Variants in RXRB observed in about 807,000 individuals in gnomAD.
RXRB encodes retinoid X receptor beta.
A neutral mutation model predicts 52.5 loss-of-function variants in RXRB; 18 were observed. The observed-to-expected ratio is 0.34, with a 90% CI of 0.24 to 0.51. The LOEUF is 0.51. RXRB is among the 20% of genes least tolerant of loss of function. The pLI is 0.97. For missense variants in RXRB, 455 were observed against 698.2 expected, an observed-to-expected ratio of 0.65 and a Z score of 3.92; for synonymous variants, 233 against 267.1, an observed-to-expected ratio of 0.87 and a Z score of 1.25.
chr6:33,200,124 G>T lies in RXRB; in HGVS notation c.235+118C>A. The T allele has an allele frequency of 7.3e-7, 1 of 1,366,894 alleles. No individual in the cohort carries two copies. Among genetic ancestry groups the T allele is most frequent in the Non-Finnish European group, 1.0e-6 (1 of 970,990 alleles). 84.7% of individuals were successfully genotyped at this position (1,366,894 alleles called of 1,614,324 possible). A position where few individuals can be genotyped will look rare whatever the true frequency, so the allele number is the denominator to read the frequency against. Reference sequence around the variant, plus strand: ...CTAAGGCCCTCGGGAGGGAGGGGACGCGTGTTTACAAACAAGGGGGCGGGA... The same window carrying T: ...CTAAGGCCCTCGGGAGGGAGGGGACTCGTGTTTACAAACAAGGGGGCGGGA... On this transcript the variant is annotated intron_variant, in intron 1 of 9. Coordinates refer to ENST00000374680, the MANE Select transcript of RXRB (RefSeq NM_021976.5). This position sits in a 1 kb window ranked among gnomAD's most constrained non-coding sequence, Gnocchi z 6.3.
chr6:33,200,760 A>G, upstream of RXRB: 2 of 1,541,052 alleles, frequency 1.3e-6, no homozygotes, highest in South Asian at 1.2e-5. This position sits in a 1 kb window ranked among gnomAD's most constrained non-coding sequence, Gnocchi z 6.3. Context: ...CCCTCCCCTC[A>G]AATCACCTCC....
rs562272151 is a variant in RXRB, at chr6:33,199,240, A to C, written c.412T>G (p.Ser138Ala). ...PLGSPFPVIS[S>A]SMGSPGLPPP... The stretch of plus-strand genomic sequence containing the variant: ...GGCAGACCAGGGGACCCCATGGAAG[A>C]ACTGATGACTGGAAAGGGAGAGCCC... Residue 138 changes from serine to alanine, a missense_variant, in exon 2 of 10, where the codon TCT becomes GCT. By Grantham distance (99) the Ser-to-Ala change is moderately conservative (BLOSUM62 1). Transcript: ENST00000374680. 6 of 1,192,596 alleles carry C rather than the reference A, an allele frequency of 5.0e-6. No individual in the cohort carries two copies. The South Asian group carries it at 2.4e-4, about 49-fold the overall frequency. The allele number at this position is 1,192,596 out of a possible 1,614,324, so 73.9% of individuals were successfully genotyped here. A position where few individuals can be genotyped will look rare whatever the true frequency, so the allele number is the denominator to read the frequency against.
chr6:33,200,772 C>A, upstream of RXRB: 3 of 1,537,200 alleles, frequency 2.0e-6, no homozygotes, highest in South Asian at 2.4e-5. This position sits in a 1 kb window ranked among gnomAD's most constrained non-coding sequence, Gnocchi z 6.3. Context: ...ATCACCTCCA[C>A]ACTCGCGCAT....
In RXRB at chr6:33,196,910, A is replaced by C. The variant is rs1476493949; in HGVS notation, c.821-304T>G. 6.6e-6 allele frequency among the ~76,000 whole-genome samples: 1 copy of C among 152,232 alleles called. No homozygotes were observed. The highest frequency in any genetic ancestry group is 1.5e-5 in the Non-Finnish European group (1 of 68,052). ...ACCTGAGAAAGCTGATTGAAAAAAA[A>C]AATTTTTTTAAATAAAATATGCCAA... On this transcript the variant is annotated intron_variant, in intron 4 of 9. Transcript: ENST00000374680. This position sits in a 1 kb window ranked among gnomAD's most constrained non-coding sequence, Gnocchi z 4.0.
At chr6:33,198,177 C>T in intron 3 of RXRB, 131 bp downstream of exon 3, 1 of 1,346,450 alleles carries the variant, frequency 7.4e-7, no homozygotes, top group Non-Finnish European at 1.1e-6. Flanking sequence ...ATCTCAGCTT[C>T]AGCTTCTTTA....
rs1773945234 is a variant in RXRB at position 33,196,907 on chromosome 6, A to G, written c.821-301T>C. Among the ~76,000 whole-genome samples, 1 of 152,226 alleles carries G rather than the reference A, an allele frequency of 6.6e-6. No individual in the cohort carries two copies. ...TCAACCTGAGAAAGCTGATTGAAAA[A>G]AAAAATTTTTTTAAATAAAATATGC... is the stretch of plus-strand genomic sequence containing the variant. On this transcript the variant is annotated intron_variant, in intron 4 of 9. Coordinates refer to ENST00000374680, the MANE Select transcript of RXRB (RefSeq NM_021976.5). This position sits in a 1 kb window ranked among gnomAD's most constrained non-coding sequence, Gnocchi z 4.0.
Position 33,197,717 on chromosome 6 carries a change from A to G in RXRB, c.820+45T>C. 1 of 1,586,654 alleles carries G rather than the reference A, an allele frequency of 6.3e-7. No individual in the cohort carries two copies. Among genetic ancestry groups the G allele is most frequent in the Non-Finnish European group, 8.6e-7 (1 of 1,157,980 alleles). On this transcript the variant is annotated intron_variant, in intron 4 of 9. Transcript: ENST00000374680. This position sits in a 1 kb window ranked among gnomAD's most constrained non-coding sequence, Gnocchi z 4.4. Reference sequence around the variant, plus strand: ...GTACACAGTCTGAGTGGGATAAGGGAGAAGGGCATGTGGTCTAAGACGCCT... The same window carrying G: ...GTACACAGTCTGAGTGGGATAAGGGGGAAGGGCATGTGGTCTAAGACGCCT...
chr6:33,198,670 C>T (rs1774116955), intron 2 of RXRB: 2 of 695,162 alleles, frequency 2.9e-6, no homozygotes, highest in Non-Finnish European at 5.2e-6. Flanking sequence ...AATTGTGCAA[C>T]ACAGTGACCC....
In RXRB at chr6:33,194,691, T is replaced by C; in HGVS notation, c.1593A>G (p.Gln531=). The change falls in exon 10 of 10, where the codon CAA becomes CAG. Residue 531 remains glutamine, a synonymous_variant. Transcript: ENST00000374680. The surrounding 1 kb of genome is among the most constrained non-coding windows in gnomAD (Gnocchi z 4.1). ...ACGTCTGGGTCTGAGCTCAGGCCAG[T>C]TGATGGGGAGCCTCAAGCATCTCCA... ...FLMEMLEAPH[Q]LA 1 of 1,612,934 alleles carries C rather than the reference T, an allele frequency of 6.2e-7. No individual in the cohort carries two copies. The highest frequency in any genetic ancestry group is 1.7e-5 in the Admixed American group (1 of 60,018).
At chr6:33,199,640 A>C in intron 1 of RXRB, 1 of 503,288 alleles carries the variant, frequency 2.0e-6, no homozygotes, top group Non-Finnish European at 3.6e-6. Context: ...ACTTATTAAC[A>C]TTTGTGTCAC....
chr6:33,200,768 T>G (rs1328891808), upstream of RXRB: 14 of 1,534,052 alleles, frequency 9.1e-6, no homozygotes, highest in East Asian at 3.0e-4. This position sits in a 1 kb window ranked among gnomAD's most constrained non-coding sequence, Gnocchi z 6.3. Flanking sequence ...TCAAATCACC[T>G]CCACACTCGC....
chr6:33,200,762 A>C (rs1242864709), upstream of RXRB: 5 of 1,533,736 alleles, frequency 3.3e-6, no homozygotes, highest in Non-Finnish European at 4.4e-6. The surrounding 1 kb of genome is among the most constrained non-coding windows in gnomAD (Gnocchi z 6.3). Flanking sequence ...CTCCCCTCAA[A>C]TCACCTCCAC....
In RXRB at chr6:33,196,158, C is replaced by T; in HGVS notation, c.994-122G>A. On this transcript the variant is annotated intron_variant, in intron 5 of 9. Coordinates refer to ENST00000374680, the MANE Select transcript of RXRB (RefSeq NM_021976.5). The surrounding 1 kb of genome is among the most constrained non-coding windows in gnomAD (Gnocchi z 4.0). Reference sequence around the variant, plus strand: ...TCCTGTGAGCCCCATCCAAACCAATCCCTGTAAGTGAGTCTTCTCTTCTGG... The same window carrying T: ...TCCTGTGAGCCCCATCCAAACCAATTCCTGTAAGTGAGTCTTCTCTTCTGG... 1.6e-6 allele frequency: 2 copies of T among 1,250,124 alleles called. No homozygotes were observed. Among genetic ancestry groups the T allele is most frequent in the South Asian group, 2.6e-5 (2 of 76,788 alleles). 77.4% of individuals were successfully genotyped at this position (1,250,124 alleles called of 1,614,324 possible). A position where few individuals can be genotyped will look rare whatever the true frequency, so the allele number is the denominator to read the frequency against.
chr6:33,197,908 C>T lies in RXRB; in HGVS notation c.674G>A (p.Cys225Tyr). The change falls in exon 4 of 10, where the codon TGC becomes TAC. Residue 225 changes from cysteine to tyrosine, a missense_variant. Physicochemically the swap from Cys to Tyr is radical, Grantham distance 194. Around this residue, in one of 4 missense-constraint regions of RXRB, gnomAD observed 15 missense variants for 44.5 expected, o/e 0.34. Transcript: ENST00000374680. This position sits in a 1 kb window ranked among gnomAD's most constrained non-coding sequence, Gnocchi z 4.4. The stretch of plus-strand genomic sequence containing the variant: ...GATGGTGCGTTTGAAGAAGCCCTTG[C>T]AACCCTCACAGCTGTAAACCCCGTA... The part of the protein sequence containing the change: ...KHYGVYSCEG[C>Y]KGFFKRTIRK... 1 of 1,613,450 alleles carries T rather than the reference C, an allele frequency of 6.2e-7. No homozygotes were observed. Among genetic ancestry groups the T allele is most frequent in the Non-Finnish European group, 8.5e-7 (1 of 1,180,010 alleles).
At position 33,195,743 on chromosome 6, in the gene RXRB, A is replaced by C; in HGVS notation, c.1124-41T>G. The C allele has an allele frequency of 6.2e-7, 1 of 1,607,286 alleles. No individual in the cohort carries two copies. Among genetic ancestry groups the C allele is most frequent in the Non-Finnish European group, 8.5e-7 (1 of 1,178,984 alleles). ...AGGGTCAGGAGCCAGAAATCAGGCC[A>C]AGGGATTCAAAGCACATCAGTGGAA... is the stretch of plus-strand genomic sequence containing the variant. On this transcript the variant is annotated intron_variant, in intron 6 of 9. Transcript: ENST00000374680. This position sits in a 1 kb window ranked among gnomAD's most constrained non-coding sequence, Gnocchi z 8.6.
intron 1 of RXRB, 64 bp from the exon 2 acceptor site, chr6:33,199,480 T>G: frequency 1.6e-6 from 2 of 1,214,768 alleles, no homozygotes; most frequent in East Asian, 3.1e-5. Flanking sequence ...AAAAAGAAAA[T>G]GAGTCTTCAA....
chr6:33,196,491 T>C lies in RXRB; in HGVS notation c.936A>G (p.Glu312=), dbSNP rs1773907915. 2 of 1,613,048 alleles carry C rather than the reference T, an allele frequency of 1.2e-6. No individual in the cohort carries two copies. Among genetic ancestry groups the C allele is most frequent in the Non-Finnish European group, 1.7e-6 (2 of 1,180,032 alleles). Residue 312 remains glutamate (E), a synonymous_variant, in exon 5 of 10, where the codon GAA becomes GAG. Transcript: ENST00000374680. This position sits in a 1 kb window ranked among gnomAD's most constrained non-coding sequence, Gnocchi z 4.0. ...CCTCAACGCCCTGGTCACTCTTCTG[T>C]TCCACAGCAAGCTCTGCCTCCAGGA... The part of the protein sequence containing the change: ...DRILEAELAV[E]QKSDQGVEGP...
chr6:33,200,739 C>A, upstream of RXRB: 1 of 1,544,428 alleles, frequency 6.5e-7, no homozygotes, highest in Non-Finnish European at 8.7e-7. The surrounding 1 kb of genome is among the most constrained non-coding windows in gnomAD (Gnocchi z 6.3). Context: ...CCTGTTAGCC[C>A]GCCTCGCCCA....
rs1332563106 is a variant in RXRB at position 33,200,053 on chromosome 6, G to A, written c.235+189C>T. On this transcript the variant is annotated intron_variant, in intron 1 of 9. Transcript: ENST00000374680. The surrounding 1 kb of genome is among the most constrained non-coding windows in gnomAD (Gnocchi z 6.3). ...CAAGGCCTCAAGCGGTCACAGCTAG[G>A]AGGGCGGAAGCTCCCCTTCCCCGCC... The A allele has an allele frequency of 2.2e-6, 2 of 889,690 alleles. No individual in the cohort carries two copies. Among genetic ancestry groups the A allele is most frequent in the African/African-American group, 1.6e-5 (1 of 61,446 alleles). The allele number at this position is 889,690 out of a possible 1,614,324, so 55.1% of individuals were successfully genotyped here. A position where few individuals can be genotyped will look rare whatever the true frequency, so the allele number is the denominator to read the frequency against.
Sources: allele counts gnomAD v4.1 joint callset (sites outside exome capture counted in the v4.1 genomes callset), GRCh38; gene constraint gnomAD v4.1.1; regional missense constraint gnomAD v4.1.1; non-coding constraint Gnocchi (gnomAD v3.1); transcripts MANE v1.5; gene names NCBI Gene and HGNC (gene_info 2026-07-23, HGNC 2026-07-21).